Variants in DNAH10 observed in about 807,000 individuals in gnomAD.
DNAH10 encodes the protein axonemal beta dynein heavy chain 10.
DNAH10 carries 348 observed loss-of-function variants against 506.6 expected under a neutral mutation model. The observed-to-expected ratio is 0.69, with a 90% confidence interval of 0.63 to 0.75. The LOEUF (loss-of-function observed/expected upper bound fraction) is 0.75, where lower values mean the gene tolerates loss of function less well. Among genes scored for constraint, DNAH10 ranks in the 30% least tolerant of loss-of-function variants. The probability of loss-of-function intolerance (pLI) is 0.00; values close to 1 mark genes in which losing one functional copy is unlikely to be tolerated. For missense variants in DNAH10, 5,179 were observed against 5,787.1 expected (o/e 0.89, Z 3.41); for synonymous variants, 2,059 against 2,198.6 (o/e 0.94, Z 1.78).
chr12:123,875,602 T>A, intron 47 of DNAH10, 111 bp downstream of exon 47: 11 of 1,245,700 alleles, frequency 8.8e-6, no homozygotes, highest in Non-Finnish European at 1.2e-5. Context: ...CCTCAATACT[T>A]TTAAGGGCCT....
intron 13 of DNAH10, 86 bp downstream of exon 13, chr12:123,796,918 TG>T: frequency 4.0e-6 from 5 of 1,264,680 alleles, no homozygotes; most frequent in Non-Finnish European, 5.3e-6. Context: ...TCGCCCAGGC[TG>T]GAGTGCAGTG....
At chr12:123,881,017 A>G (rs1285613025) in intron 50 of DNAH10, among the ~76,000 whole-genome samples, 1 of 152,012 alleles carries the variant, frequency 6.6e-6, no homozygotes, top group Non-Finnish European at 1.5e-5. Flanking sequence ...TCCATGGTGT[A>G]TATGTGCCAC....
rs370614947 is a variant in DNAH10 at position 123,826,854 on chromosome 12, G to A, written c.4347G>A (p.Ser1449=). 6 of 1,613,940 alleles carry A rather than the reference G, an allele frequency of 3.7e-6. No homozygotes were observed. Among genetic ancestry groups the A allele is most frequent in the East Asian group, 2.2e-5 (1 of 44,892 alleles). Residue 1449 remains serine, a synonymous_variant, in exon 25 of 79, where the codon TCG becomes TCA. Coordinates refer to ENST00000673944, the MANE Select transcript of DNAH10 (RefSeq NM_001372106.1). ...LEAKMKAFKD[S]IPLLLDLKNE... is the part of the protein sequence containing the mutation. ...CAAAAATGAAGGCATTCAAAGACTC[G>A]ATTCCTTTACTTCTTGACTTGAAAA...
At position 123,935,492 on chromosome 12, in the gene DNAH10, A is replaced by T; in HGVS notation, c.*11A>T. On this transcript the variant is annotated 3_prime_UTR_variant, in exon 79 of 79. Coordinates refer to ENST00000673944, the MANE Select transcript of DNAH10 (RefSeq NM_001372106.1). ...CTGAATTCTGATTAACCTTTGGGTG[A>T]AGAAAACTGCTTAATGAATTCGGAG... is the stretch of plus-strand genomic sequence containing the variant. 1 of 1,572,710 alleles carries T rather than the reference A, an allele frequency of 6.4e-7. No individual in the cohort carries two copies. The highest frequency in any genetic ancestry group is 8.7e-7 in the Non-Finnish European group (1 of 1,147,594).
At chr12:123,856,339 T>A (rs1951389761) in intron 36 of DNAH10, among the ~76,000 whole-genome samples, 1 of 150,238 alleles carries the variant, frequency 6.7e-6, no homozygotes, top group Non-Finnish European at 1.5e-5. Context: ...TATCTATCTA[T>A]CTATCTATCT....
intron 56 of DNAH10, among the ~76,000 whole-genome samples, chr12:123,900,794 G>C (rs1426052521): frequency 6.6e-6 from 1 of 152,140 alleles, no homozygotes; most frequent in Non-Finnish European, 1.5e-5. Flanking sequence ...TTCCGTTTGG[G>C]CTTCATCTCA....
intron 26 of DNAH10, among the ~76,000 whole-genome samples, chr12:123,830,963 A>C (rs1232711624): frequency 6.6e-6 from 1 of 152,124 alleles, no homozygotes; most frequent in East Asian, 1.9e-4. Context: ...AACAAACAAA[A>C]AAGAGAAAAC....
chr12:123,793,913 TG>T (rs1381662314), intron 11 of DNAH10, 28 bp from the exon 12 acceptor site: 1 of 1,179,680 alleles, frequency 8.5e-7, no homozygotes, highest in Non-Finnish European at 1.1e-6. Context: ...TACAGGGGCA[TG>T]AGGGTTGTTT....
chr12:123,768,203 C>T (rs1255599131), intron 2 of DNAH10, among the ~76,000 whole-genome samples: 1 of 152,038 alleles, frequency 6.6e-6, no homozygotes, highest in Non-Finnish European at 1.5e-5. Flanking sequence ...GGCGTGATCT[C>T]AGCTCACTGC....
rs1443079653 is a variant in DNAH10, at chr12:123,848,895, A to T, written c.6102+13A>T. On this transcript the variant is annotated intron_variant, in intron 34 of 78. Transcript: ENST00000673944. ...AACCACGTTCCAGGTGAGACACATG[A>T]AGCCCCCGGGACCATGTCCCTAGGA... is the stretch of plus-strand genomic sequence containing the variant. 6.2e-7 allele frequency: 1 copy of T among 1,612,810 alleles called. No homozygotes were observed. Among genetic ancestry groups the T allele is most frequent in the East Asian group, 2.2e-5 (1 of 44,864 alleles).
Position 123,909,136 on chromosome 12 carries a change from G to C in DNAH10, c.9816-125G>C, listed in dbSNP as rs1953948092. ...TTTGTGTTGGGACCTGGCTTCTTTC[G>C]TTTGCTTGCAGCAGTAGCTCCAGGG... On this transcript the variant is annotated intron_variant, in intron 57 of 78. Transcript: ENST00000673944. This position sits in a 1 kb window ranked among gnomAD's most constrained non-coding sequence, Gnocchi z 5.4. The C allele has an allele frequency of 1.6e-5, 21 of 1,314,720 alleles. No individual in the cohort carries two copies. The East Asian group carries it at 4.8e-4, about 30-fold the overall frequency. 81.4% of individuals were successfully genotyped at this position (1,314,720 alleles called of 1,614,324 possible).
At chr12:123,799,042 A>T (rs577036089) in intron 13 of DNAH10, among the ~76,000 whole-genome samples, 1 of 147,380 alleles carries the variant, frequency 6.8e-6, no homozygotes, top group African/African-American at 2.5e-5. Context: ...GAGGCGAAGG[A>T]TGTAGTGAGC....
chr12:123,914,865 G>T lies in DNAH10; in HGVS notation c.10588G>T (p.Gly3530Cys). Residue 3530 changes from glycine to cysteine, a missense_variant, in exon 62 of 79, where the codon GGC (glycine) becomes TGC (cysteine). Gly to Cys is a radical substitution (Grantham distance 159). Coordinates refer to ENST00000673944, the MANE Select transcript of DNAH10 (RefSeq NM_001372106.1). ...TGTTTCTTCCAGATGGGGATCCCAG[G>T]GCCTTCCCCCCGATGAGCTCTCCGT... ...DVEISRWGSQGLPPDELSVQN... is the reference protein window; with the variant it reads ...DVEISRWGSQCLPPDELSVQN... 1 of 1,613,356 alleles carries T rather than the reference G, an allele frequency of 6.2e-7. No individual in the cohort carries two copies. The highest frequency in any genetic ancestry group is 8.5e-7 in the Non-Finnish European group (1 of 1,179,732).
At chr12:123,877,279 T>A (rs2137025266) in intron 47 of DNAH10, among the ~76,000 whole-genome samples, 1 of 152,260 alleles carries the variant, frequency 6.6e-6, no homozygotes, top group South Asian at 2.1e-4. Context: ...TCATCCGTGC[T>A]GGAGCTTGTG....
At position 123,875,399 on chromosome 12, in the gene DNAH10, T is replaced by C; in HGVS notation, c.8107T>C (p.Phe2703Leu). The C allele has an allele frequency of 6.2e-7, 1 of 1,614,014 alleles. No individual in the cohort carries two copies. The highest frequency in any genetic ancestry group is 2.2e-5 in the East Asian group (1 of 44,884). Residue 2703 changes from phenylalanine (F) to leucine (L), a missense_variant, in exon 47 of 79, where the codon TTT becomes CTT. Physicochemically the swap from Phe to Leu is conservative, Grantham distance 22 (BLOSUM62 0). Coordinates refer to ENST00000673944, the MANE Select transcript of DNAH10 (RefSeq NM_001372106.1). ...AGGCCGCAATGAAGTTGACCCAAGA[T>C]TTATTTCGCTATTCAGTGTCTTCAA... ...GGGRNEVDPR[F>L]ISLFSVFNVP...
chr12:123,829,533 T>C (rs1290350197), intron 25 of DNAH10, among the ~76,000 whole-genome samples: 1 of 152,032 alleles, frequency 6.6e-6, no homozygotes, highest in Non-Finnish European at 1.5e-5. Context: ...TTCAGCTTCA[T>C]GGGAAAAGGG....
chr12:123,830,391 A>G (rs975282177), intron 25 of DNAH10, among the ~76,000 whole-genome samples, 155 bp from the exon 26 acceptor site: 6 of 152,296 alleles, frequency 3.9e-5, no homozygotes, highest in African/African-American at 1.4e-4. Context: ...ATTTTGGAGA[A>G]CTTTGGGAAT....
In DNAH10 at chr12:123,931,349, G is replaced by A. The variant is rs775611601; in HGVS notation, c.12793G>A (p.Glu4265Lys). Reference sequence around the variant, plus strand: ...GTTCTCTGTGATTGCAGAAGCCATCGAGGCCCTCCCGCTTGCCAACACGCC... The same window carrying A: ...GTTCTCTGTGATTGCAGAAGCCATCAAGGCCCTCCCGCTTGCCAACACGCC... ...DEKEKFVEAIEALPLANTPEV... is the reference protein window; with the variant it reads ...DEKEKFVEAIKALPLANTPEV... Residue 4265 changes from glutamate to lysine, a missense_variant, in exon 74 of 79, where the codon GAG becomes AAG. Transcript: ENST00000673944. 4.3e-6 allele frequency: 7 copies of A among 1,613,544 alleles called. No homozygotes were observed. The highest frequency in any genetic ancestry group is 4.0e-5 in the African/African-American group (3 of 74,918).
chr12:123,897,587 A>C lies in DNAH10; in HGVS notation c.9281-183A>C, dbSNP rs141637004. ...AAATAATACAAAAAATTACCCAGGC[A>C]TGGTGGCCCATCCTGTAGTCCCAGC... On this transcript the variant is annotated intron_variant, in intron 54 of 78. Transcript: ENST00000673944. 3.2e-3 allele frequency among the ~76,000 whole-genome samples: 488 copies of C among 152,164 alleles called. 4 individuals are homozygous for C. Among genetic ancestry groups the C allele is most frequent in the African/African-American group, 0.011 (453 of 41,498 alleles).
Sources: allele counts gnomAD v4.1 joint callset (sites outside exome capture counted in the v4.1 genomes callset), GRCh38; gene constraint gnomAD v4.1.1; non-coding constraint Gnocchi (gnomAD v3.1); transcripts MANE v1.5; gene names NCBI Gene and HGNC (gene_info 2026-07-23, HGNC 2026-07-21).